Variants in R3HCC1L observed in about 807,000 individuals in gnomAD.
R3HCC1L encodes coiled-coil domain-containing protein R3HCC1L.
R3HCC1L carries 51 observed loss-of-function variants against 59.9 expected under a neutral mutation model. That is an observed-to-expected ratio of 0.85 (90% CI 0.68 to 1.07). The LOEUF is 1.07. Among genes scored for constraint, R3HCC1L ranks in the 50% least tolerant of loss-of-function variants. R3HCC1L has a pLI of 0.00. For missense variants in R3HCC1L, 965 were observed against 933.0 expected (o/e 1.03, Z -0.45); for synonymous variants, 322 against 315.2 (o/e 1.02, Z -0.23).
intron 4 of R3HCC1L, among the ~76,000 whole-genome samples, chr10:98,178,221 C>T (rs1849242424): frequency 1.3e-5 from 2 of 151,982 alleles, no homozygotes; most frequent in African/African-American, 2.4e-5. Flanking sequence ...GTCTTTAATC[C>T]ATCTCGAATT....
chr10:98,164,813 C>T (rs1847777570), intron 4 of R3HCC1L, among the ~76,000 whole-genome samples: 1 of 152,070 alleles, frequency 6.6e-6, no homozygotes. Context: ...GAGAGAAGAG[C>T]AGAGCAGTTT....
At chr10:98,155,872 C>T (rs1846810688) in intron 1 of R3HCC1L, among the ~76,000 whole-genome samples, 1 of 151,304 alleles carries the variant, frequency 6.6e-6, no homozygotes, top group South Asian at 2.1e-4. Context: ...TAAATACCAT[C>T]TCCACTGCTG....
At chr10:98,143,081 T>C (rs1370411859) in intron 1 of R3HCC1L, among the ~76,000 whole-genome samples, 1 of 152,258 alleles carries the variant, frequency 6.6e-6, no homozygotes, top group Non-Finnish European at 1.5e-5. Flanking sequence ...AAATTTCTGA[T>C]TTCTGAATCT....
At chr10:98,151,879 G>A (rs1375448945) in intron 1 of R3HCC1L, among the ~76,000 whole-genome samples, 1 of 152,168 alleles carries the variant, frequency 6.6e-6, no homozygotes, top group Admixed American at 6.5e-5. Flanking sequence ...AGAAGTTCAT[G>A]TCTGTTGAGT....
In R3HCC1L at chr10:98,187,963, G is replaced by A. The variant is rs147033104; in HGVS notation, c.-14-20138G>A. The stretch of plus-strand genomic sequence containing the variant: ...TCGCTATGTTGCCTAGGCTGGTCTC[G>A]AACTCCTGGACTTAAGTGATCCTCC... On this transcript the variant is annotated intron_variant, in intron 4 of 9. Coordinates refer to ENST00000298999, the MANE Select transcript of R3HCC1L (RefSeq NM_001351015.2). Among the ~76,000 whole-genome samples, 453 of 151,860 alleles carry A rather than the reference G, an allele frequency of 3.0e-3. 4 individuals are homozygous for A. The highest frequency in any genetic ancestry group is 9.2e-3 in the African/African-American group (381 of 41,428).
chr10:98,208,174 T>G lies in R3HCC1L; in HGVS notation c.60T>G (p.Tyr20Ter), dbSNP rs774555023. The change falls in exon 5 of 10, where the codon TAT becomes TAG. Residue 20 changes from tyrosine (Y) to a stop codon, truncating the protein, a stop_gained. Transcript: ENST00000298999. LOFTEE classifies it high-confidence loss of function. ...CCAGAAGGCCTGACATGGCACTTTA[T>G]GTACCTAAAGCTCGTAGGGGTGCAG... Reference protein sequence around the residue: ...VRARRPDMALYVPKARRGAVL... With the variant: ...VRARRPDMAL 9.3e-6 allele frequency: 15 copies of G among 1,613,786 alleles called. No individual in the cohort carries two copies. Among genetic ancestry groups the G allele is most frequent in the Non-Finnish European group, 1.3e-5 (15 of 1,179,908 alleles).
chr10:98,170,164 G>A (rs1343249106), intron 4 of R3HCC1L, among the ~76,000 whole-genome samples: 9 of 151,946 alleles, frequency 5.9e-5, no homozygotes, highest in Admixed American at 5.9e-4. Flanking sequence ...GCATATACTC[G>A]GTGGAAAACT....
chr10:98,146,439 A>G (rs796809031), intron 1 of R3HCC1L, among the ~76,000 whole-genome samples: 63 of 152,282 alleles, frequency 4.1e-4, no homozygotes, highest in African/African-American at 1.5e-3. Flanking sequence ...GTTTGTACCC[A>G]TTAATCAACC....
chr10:98,203,945 A>G (rs1183600496), intron 4 of R3HCC1L, among the ~76,000 whole-genome samples: 1 of 152,188 alleles, frequency 6.6e-6, no homozygotes, highest in African/African-American at 2.4e-5. Flanking sequence ...CTGAATTTTT[A>G]TCCCCTTTAG....
chr10:98,169,644 C>G (rs1374938638), intron 4 of R3HCC1L, among the ~76,000 whole-genome samples: 1 of 152,112 alleles, frequency 6.6e-6, no homozygotes, highest in Non-Finnish European at 1.5e-5. Flanking sequence ...TGTCATTGTT[C>G]TCTTGGGCAT....
chr10:98,184,248 A>C (rs773191654), intron 4 of R3HCC1L, among the ~76,000 whole-genome samples: 8 of 152,084 alleles, frequency 5.3e-5, no homozygotes, highest in Non-Finnish European at 1.2e-4. Flanking sequence ...ATCTCAGAGA[A>C]GGTATTTCTC....
chr10:98,189,168 G>T (rs1035418093), intron 4 of R3HCC1L, among the ~76,000 whole-genome samples: 1 of 152,174 alleles, frequency 6.6e-6, no homozygotes, highest in Admixed American at 6.6e-5. Context: ...TTTAGGTTGA[G>T]AGAAATAGAA....
At chr10:98,191,434 T>C (rs1850830239) in intron 4 of R3HCC1L, among the ~76,000 whole-genome samples, 1 of 134,940 alleles carries the variant, frequency 7.4e-6, no homozygotes, top group Non-Finnish European at 1.7e-5. Flanking sequence ...ATGTGTCTGT[T>C]GGCTGCATAG....
intron 2 of R3HCC1L, among the ~76,000 whole-genome samples, chr10:98,160,258 A>G (rs931093356): frequency 1.3e-5 from 2 of 152,226 alleles, no homozygotes; most frequent in African/African-American, 4.8e-5. Context: ...CAGGTAGTCT[A>G]AATCTGTGCT....
chr10:98,151,098 C>T (rs758513039), intron 1 of R3HCC1L, among the ~76,000 whole-genome samples: 1 of 152,162 alleles, frequency 6.6e-6, no homozygotes, highest in East Asian at 1.9e-4. Context: ...GAAACTGTCT[C>T]CTCCTCATTT....
intron 1 of R3HCC1L, among the ~76,000 whole-genome samples, chr10:98,155,491 T>C (rs1846756187): frequency 6.6e-6 from 1 of 152,182 alleles, no homozygotes; most frequent in Non-Finnish European, 1.5e-5. Flanking sequence ...TGAAAATGTT[T>C]TCTTTAGACA....
At chr10:98,227,656 G>T (rs1395314998) in intron 5 of R3HCC1L, among the ~76,000 whole-genome samples, 8 of 151,380 alleles carry the variant, frequency 5.3e-5, no homozygotes. Flanking sequence ...TATGTATACA[G>T]GTGCCATGTT....
chr10:98,208,899 G>C lies in R3HCC1L; in HGVS notation c.785G>C (p.Gly262Ala), dbSNP rs368725724. ...GATGGAATATTGAATCCCAGCAGCG[G>C]AGGCATCACCACTACTTCTGTTCCT... ...TSDGILNPSS[G>A]GITTTSVPGS... Residue 262 changes from glycine (G) to alanine (A), a missense_variant, in exon 5 of 10, where the codon GGA becomes GCA. By Grantham distance (60) the Gly-to-Ala change is moderately conservative (BLOSUM62 0). Coordinates refer to ENST00000298999, the MANE Select transcript of R3HCC1L (RefSeq NM_001351015.2). 75 of 1,614,154 alleles carry C rather than the reference G, an allele frequency of 4.6e-5. No individual in the cohort carries two copies. The South Asian group carries it at 7.9e-4, about 17-fold the overall frequency.
Position 98,209,278 on chromosome 10 carries a change from T to G in R3HCC1L, c.1164T>G (p.His388Gln). The G allele has an allele frequency of 6.2e-7, 1 of 1,614,008 alleles. No homozygotes were observed. Residue 388 changes from histidine (H) to glutamine (Q), a missense_variant, in exon 5 of 10, where the codon CAT becomes CAG. Coordinates refer to ENST00000298999, the MANE Select transcript of R3HCC1L (RefSeq NM_001351015.2). ...MDTTGMSCSD[H>Q]VTVDSPYVVA... ...CTACAGGTATGTCCTGTAGTGATCATGTAACTGTTGATAGCCCTTATGTAG... is the reference window on the plus strand; with the variant it reads ...CTACAGGTATGTCCTGTAGTGATCAGGTAACTGTTGATAGCCCTTATGTAG...
Sources: gnomAD v4.1 joint callset for allele counts (sites outside exome capture counted in the v4.1 genomes callset) on GRCh38, gnomAD v4.1.1 for gene constraint, MANE v1.5 for transcripts, NCBI Gene and HGNC (gene_info 2026-07-23, HGNC 2026-07-21) for gene names.